The following PSMB1 variants were observed in gnomAD, a reference collection of about 807,000 sequenced individuals.
The protein encoded by PSMB1 is proteasome 20S subunit beta 1.
PSMB1 carries 7 observed loss-of-function variants against 25.4 expected under a neutral mutation model. The observed-to-expected ratio is 0.28, with a 90% CI of 0.16 to 0.52. The LOEUF is 0.52. Ranked by LOEUF, PSMB1 falls within the 20% of genes least tolerant of loss-of-function variation. The pLI, the probability that PSMB1 is intolerant of heterozygous loss-of-function variation, is 0.97. For synonymous variants in PSMB1, 119 were observed against 115.0 expected (o/e 1.03, Z -0.22); for missense variants, 284 against 302.2 (o/e 0.94, Z 0.45).
intron 4 of PSMB1, among the ~76,000 whole-genome samples, chr6:170,540,691 T>C (rs1778749077): frequency 6.7e-6 from 1 of 148,584 alleles, no homozygotes; most frequent in East Asian, 2.0e-4. Context: ...AAAAACATTC[T>C]GATGAAATAC....
At chr6:170,550,207 A>C (rs1778873630) in intron 1 of PSMB1, 1 of 152,254 alleles carries the variant, frequency 6.6e-6, no homozygotes, top group Non-Finnish European at 1.5e-5. Context: ...TAAAGCTCTC[A>C]AGAAGAAAAG....
chr6:170,545,979 T>G, intron 3 of PSMB1, 124 bp downstream of exon 3: 2 of 753,790 alleles, frequency 2.7e-6, no homozygotes, highest in Non-Finnish European at 4.4e-6. Flanking sequence ...AGCATACATT[T>G]GTAATTCATC....
rs762393571 is a variant in PSMB1 at position 170,553,230 on chromosome 6, T to C, written c.13A>G (p.Thr5Ala). MLSS[T>A]AMYSAPGRDL... ...CTGCCAGGAGCCGAATACATGGCTG[T>C]AGAGGACAACATCGCACGGCTGCGC... The change falls in exon 1 of 6, where the codon ACA becomes GCA. Residue 5 changes from threonine (T) to alanine (A), a missense_variant. By Grantham distance (58) the Thr-to-Ala change is moderately conservative (BLOSUM62 0). Transcript: ENST00000262193. 3.1e-6 allele frequency: 5 copies of C among 1,612,228 alleles called. No individual in the cohort carries two copies. The highest frequency in any genetic ancestry group is 3.4e-6 in the Non-Finnish European group (4 of 1,179,034).
chr6:170,545,262 A>C (rs1231458123), intron 3 of PSMB1, among the ~76,000 whole-genome samples: 1 of 152,216 alleles, frequency 6.6e-6, no homozygotes, highest in Non-Finnish European at 1.5e-5. Context: ...TGTATTATGT[A>C]GAATTCACCA....
intron 4 of PSMB1, among the ~76,000 whole-genome samples, chr6:170,538,287 G>A (rs960910294): frequency 2.0e-5 from 3 of 152,202 alleles, no homozygotes; most frequent in South Asian, 2.1e-4. Context: ...AAACATAACT[G>A]ATTTAGAAAA....
chr6:170,549,031 G>T lies in PSMB1; in HGVS notation c.196C>A (p.Arg66=). ...RLSEGFSIHT[R]DSPKCYKLTD... ...AATTTGTAACATTTGGGGCTATCCCGCGTATGAATTGAAAACCCTTCACTC... is the reference window on the plus strand; with the variant it reads ...AATTTGTAACATTTGGGGCTATCCCTCGTATGAATTGAAAACCCTTCACTC... The change falls in exon 2 of 6, where the codon CGG becomes AGG. Residue 66 remains arginine (R), a synonymous_variant. Coordinates refer to ENST00000262193, the MANE Select transcript of PSMB1 (RefSeq NM_002793.4). 1.2e-6 allele frequency: 2 copies of T among 1,611,934 alleles called. No individual in the cohort carries two copies. The highest frequency in any genetic ancestry group is 1.7e-6 in the Non-Finnish European group (2 of 1,178,122).
chr6:170,535,215 A>C lies in PSMB1; in HGVS notation c.*5T>G. The C allele has an allele frequency of 6.2e-7, 1 of 1,613,474 alleles. No individual in the cohort carries two copies. The highest frequency in any genetic ancestry group is 1.1e-5 in the South Asian group (1 of 91,032). The stretch of plus-strand genomic sequence containing the variant: ...CTGAACTGATTGGTGATAAGAGCAC[A>C]CAGATCAGTCCTTCCTTAAGGAAAC... On this transcript the variant is annotated 3_prime_UTR_variant, in exon 6 of 6. Transcript: ENST00000262193.
Position 170,543,700 on chromosome 6 carries a change from T to G in PSMB1, c.334A>C (p.Thr112Pro). 1 of 1,611,218 alleles carries G rather than the reference T, an allele frequency of 6.2e-7. No individual in the cohort carries two copies. The highest frequency in any genetic ancestry group is 8.5e-7 in the Non-Finnish European group (1 of 1,178,392). The part of the protein sequence containing the change: ...MYKHSNNKAM[T>P]TGAIAAMLST... ...AGCATTGCAGCAATTGCCCCCGTAGTCATGGCCTTATTATTGGAATGCTTA... is the reference window on the plus strand; with the variant it reads ...AGCATTGCAGCAATTGCCCCCGTAGGCATGGCCTTATTATTGGAATGCTTA... Residue 112 changes from threonine (T) to proline (P), a missense_variant, in exon 4 of 6, where the codon ACT (threonine) becomes CCT (proline). Transcript: ENST00000262193.
intron 1 of PSMB1, among the ~76,000 whole-genome samples, chr6:170,551,242 T>C (rs989411038): frequency 6.6e-6 from 1 of 152,150 alleles, no homozygotes; most frequent in African/African-American, 2.4e-5. Context: ...GAAAAACCAG[T>C]TAAAAATGTT....
chr6:170,537,224 G>GT lies in PSMB1; in HGVS notation c.540+9dup. On this transcript the variant is annotated intron_variant, in intron 5 of 5. Coordinates refer to ENST00000262193, the MANE Select transcript of PSMB1 (RefSeq NM_002793.4). ...GACATAGTATCATTACCTGGACACA[G>GT]TATCATTACCTGGTTGTCAAGCAGG... 6.2e-7 allele frequency: 1 copy of GT among 1,602,806 alleles called. No homozygotes were observed. The highest frequency in any genetic ancestry group is 2.2e-5 in the East Asian group (1 of 44,814).
chr6:170,545,691 A>G (rs1583115465), intron 3 of PSMB1, among the ~76,000 whole-genome samples: 2 of 152,306 alleles, frequency 1.3e-5, no homozygotes, highest in East Asian at 3.9e-4. Flanking sequence ...CATCCTGCCA[A>G]CTAAGAGCAC....
At chr6:170,540,189 G>A (rs996676256) in intron 4 of PSMB1, among the ~76,000 whole-genome samples, 1 of 152,148 alleles carries the variant, frequency 6.6e-6, no homozygotes, top group Non-Finnish European at 1.5e-5. Context: ...TTGCTGTCCT[G>A]AAGGTTTCAA....
chr6:170,539,701 T>G (rs968808314), intron 4 of PSMB1, among the ~76,000 whole-genome samples: 1 of 152,088 alleles, frequency 6.6e-6, no homozygotes, highest in Non-Finnish European at 1.5e-5. Context: ...AAAAAAAAAT[T>G]TATCTGACCC....
intron 1 of PSMB1, among the ~76,000 whole-genome samples, chr6:170,550,902 TGAGG>T (rs374721108): frequency 0.023 from 104 of 4,470 alleles, 2 homozygotes; most frequent in South Asian, 0.16. Flanking sequence ...TTTGGGAGGC[TGAGG>T]GGGGGGGGGG....
At chr6:170,551,432 G>A (rs1482476230) in intron 1 of PSMB1, among the ~76,000 whole-genome samples, 5 of 152,138 alleles carry the variant, frequency 3.3e-5, no homozygotes, top group Admixed American at 6.5e-5. Flanking sequence ...TTGCGGAAGC[G>A]AAGGCTGCCT....
chr6:170,545,186 C>A (rs1450062672), intron 3 of PSMB1, among the ~76,000 whole-genome samples: 1 of 151,722 alleles, frequency 6.6e-6, no homozygotes, highest in African/African-American at 2.4e-5. Flanking sequence ...ATTTCGAAAC[C>A]AAGCACCAAC....
At chr6:170,548,520 G>A (rs1222951088) in intron 2 of PSMB1, among the ~76,000 whole-genome samples, 1 of 152,070 alleles carries the variant, frequency 6.6e-6, no homozygotes, top group Non-Finnish European at 1.5e-5. Context: ...AAAAAGTGTG[G>A]GGAGGCAGAT....
At chr6:170,542,904 TCAATGGACTACTCTAAGTGA>T (rs1164009993) in intron 4 of PSMB1, among the ~76,000 whole-genome samples, 2 of 152,198 alleles carry the variant, frequency 1.3e-5, no homozygotes, top group Non-Finnish European at 2.9e-5. Flanking sequence ...TCCATCTGTG[TCAATGGACTACTCTAAGTGA>T]CAAAGATCTG....
intron 4 of PSMB1, 96 bp downstream of exon 4, chr6:170,543,505 T>G: frequency 8.5e-7 from 1 of 1,181,328 alleles, no homozygotes; most frequent in Non-Finnish European, 1.2e-6. Flanking sequence ...TTGTGTCAGA[T>G]GGTATTTATG....
Sources: gnomAD v4.1 joint callset for allele counts (sites outside exome capture counted in the v4.1 genomes callset) on GRCh38, gnomAD v4.1.1 for gene constraint, MANE v1.5 for transcripts, NCBI Gene and HGNC (gene_info 2026-07-23, HGNC 2026-07-21) for gene names.